COX7B2: variants seen among roughly 807,000 people sequenced by gnomAD.
COX7B2 encodes the protein cytochrome c oxidase subunit 7B2, mitochondrial.
For synonymous variants in COX7B2, 37 were observed against 32.1 expected, an observed-to-expected ratio of 1.15 and a Z score of -0.51; for missense variants, 109 against 95.9, an observed-to-expected ratio of 1.14 and a Z score of -0.57.
intron 2 of COX7B2, among the ~76,000 whole-genome samples, chr4:46,748,502 C>T (rs1715157944): frequency 1.3e-5 from 2 of 152,224 alleles, no homozygotes; most frequent in African/African-American, 4.8e-5. Flanking sequence ...CAGGTTCAGA[C>T]AACTATTCAA....
chr4:46,779,904 A>G (rs1299609306), intron 2 of COX7B2, among the ~76,000 whole-genome samples: 4 of 152,196 alleles, frequency 2.6e-5, no homozygotes, highest in African/African-American at 9.6e-5. Context: ...CATTATTCTA[A>G]TAAATAATTC....
At chr4:46,893,113 A>C (rs1560441442) in intron 1 of COX7B2, among the ~76,000 whole-genome samples, 1 of 152,196 alleles carries the variant, frequency 6.6e-6, no homozygotes, top group Non-Finnish European at 1.5e-5. Context: ...TAGTAGCATG[A>C]GAACAGACTA....
intron 1 of COX7B2, among the ~76,000 whole-genome samples, chr4:46,855,533 A>G (rs1337611505): frequency 1.3e-5 from 2 of 152,094 alleles, no homozygotes; most frequent in Non-Finnish European, 2.9e-5. Flanking sequence ...AGAAGAAAAT[A>G]TGATGAAGGC....
rs551959913 is a variant in COX7B2 at position 46,907,697 on chromosome 4, A to G, written c.-105+1463T>C. Among the ~76,000 whole-genome samples, 39 of 151,674 alleles carry G rather than the reference A, an allele frequency of 2.6e-4. No individual in the cohort carries two copies. In the South Asian group the frequency reaches 7.8e-3, roughly 30 times the overall value. On this transcript the variant is annotated intron_variant, in intron 1 of 2. Transcript: ENST00000355591. Reference sequence around the variant, plus strand: ...TGACCAGAGTACACAGAATTGTTAAATTCAAAGCCACTGTGAGATAAAAAA... The same window carrying G: ...TGACCAGAGTACACAGAATTGTTAAGTTCAAAGCCACTGTGAGATAAAAAA...
At chr4:46,790,101 T>C (rs1370002337) in intron 2 of COX7B2, among the ~76,000 whole-genome samples, 1 of 152,182 alleles carries the variant, frequency 6.6e-6, no homozygotes, top group Non-Finnish European at 1.5e-5. Context: ...ATTTTCTATC[T>C]GCTATCTAAG....
At chr4:46,753,491 G>A (rs919959894) in intron 2 of COX7B2, among the ~76,000 whole-genome samples, 7 of 151,492 alleles carry the variant, frequency 4.6e-5, no homozygotes, top group Admixed American at 2.0e-4. Context: ...AAATGGTGCT[G>A]GGAAAACTGG....
chr4:46,833,419 T>C (rs1196851799), intron 2 of COX7B2, among the ~76,000 whole-genome samples: 1 of 152,190 alleles, frequency 6.6e-6, no homozygotes, highest in Non-Finnish European at 1.5e-5. Context: ...TTGGGAGGTG[T>C]ATGCTTAATT....
chr4:46,902,677 C>G (rs557137300), intron 1 of COX7B2, among the ~76,000 whole-genome samples: 1 of 152,262 alleles, frequency 6.6e-6, no homozygotes, highest in Non-Finnish European at 1.5e-5. Flanking sequence ...TGTAGTCATT[C>G]TACAGCCTGG....
intron 2 of COX7B2, among the ~76,000 whole-genome samples, chr4:46,779,394 A>G (rs1216975348): frequency 6.6e-6 from 1 of 152,164 alleles, no homozygotes; most frequent in Non-Finnish European, 1.5e-5. Flanking sequence ...GTGTATATAT[A>G]TATGTCTACA....
At chr4:46,847,093 A>G (rs1184667928) in intron 1 of COX7B2, among the ~76,000 whole-genome samples, 3 of 152,090 alleles carry the variant, frequency 2.0e-5, no homozygotes, top group Non-Finnish European at 4.4e-5. Context: ...GTAAGAAGAA[A>G]TGAGTGCAGA....
In COX7B2 at chr4:46,908,286, C is replaced by T. The variant is rs1008710060; in HGVS notation, c.-105+874G>A. Among the ~76,000 whole-genome samples the T allele has an allele frequency of 3.9e-5, 6 of 152,294 alleles. No individual in the cohort carries two copies. The South Asian group carries it at 1.2e-3, about 32-fold the overall frequency. On this transcript the variant is annotated intron_variant, in intron 1 of 2. Coordinates refer to ENST00000355591, the MANE Select transcript of COX7B2 (RefSeq NM_130902.3). Reference sequence around the variant, plus strand: ...AAAAAGACTATAATCATACCCTTCTCTCAGTCAAGGCTACTTAGAAAAAAC... The same window carrying T: ...AAAAAGACTATAATCATACCCTTCTTTCAGTCAAGGCTACTTAGAAAAAAC...
chr4:46,760,974 CCTTCCTACTGGA>C (rs1716113582), intron 2 of COX7B2, among the ~76,000 whole-genome samples: 1 of 152,108 alleles, frequency 6.6e-6, no homozygotes, highest in Admixed American at 6.6e-5. Context: ...GAAAACTATG[CCTTCCTACTGGA>C]CTTCCTGGGG....
chr4:46,736,251 T>C (rs1438445451), intron 2 of COX7B2, among the ~76,000 whole-genome samples: 1 of 152,138 alleles, frequency 6.6e-6, no homozygotes, highest in East Asian at 1.9e-4. Flanking sequence ...ACACCAAGTA[T>C]TGCCAAGGAA....
At chr4:46,769,937 G>T (rs2109511670) in intron 2 of COX7B2, among the ~76,000 whole-genome samples, 1 of 152,192 alleles carries the variant, frequency 6.6e-6, no homozygotes, top group East Asian at 1.9e-4. Flanking sequence ...TTAAGATGAG[G>T]AACAAGATCA....
At chr4:46,775,599 C>T (rs1036328466) in intron 2 of COX7B2, among the ~76,000 whole-genome samples, 2 of 152,092 alleles carry the variant, frequency 1.3e-5, no homozygotes, top group African/African-American at 2.4e-5. Context: ...TAAAAAGAAG[C>T]GTCTGAATAA....
intron 2 of COX7B2, among the ~76,000 whole-genome samples, chr4:46,800,854 A>G (rs1047857590): frequency 1.3e-5 from 2 of 152,192 alleles, no homozygotes; most frequent in African/African-American, 4.8e-5. Context: ...AAACATTTGC[A>G]AACTATGCAT....
chr4:46,788,838 A>G (rs1717889309), intron 2 of COX7B2, among the ~76,000 whole-genome samples: 2 of 152,196 alleles, frequency 1.3e-5, no homozygotes, highest in Admixed American at 1.3e-4. Context: ...GAACCCATAA[A>G]CTTATATTGA....
intron 2 of COX7B2, among the ~76,000 whole-genome samples, chr4:46,823,659 G>A (rs943857932): frequency 2.0e-5 from 3 of 151,308 alleles, no homozygotes; most frequent in African/African-American, 7.3e-5. Context: ...TAAAAATAAA[G>A]TTGTAAGGTC....
intron 2 of COX7B2, among the ~76,000 whole-genome samples, chr4:46,779,533 G>T (rs985526517): frequency 6.6e-6 from 1 of 152,104 alleles, no homozygotes; most frequent in Non-Finnish European, 1.5e-5. Context: ...TTTCCTTTGG[G>T]TATAGACCCA....
Sources: gnomAD v4.1 joint callset for allele counts (sites outside exome capture counted in the v4.1 genomes callset) on GRCh38, gnomAD v4.1.1 for gene constraint, MANE v1.5 for transcripts, NCBI Gene and HGNC (gene_info 2026-07-23, HGNC 2026-07-21) for gene names.